The following MAGI2 variants were observed in gnomAD, a reference collection of about 807,000 sequenced individuals.
The protein encoded by MAGI2 is membrane associated guanylate kinase, WW and PDZ domain containing 2.
In MAGI2, 35 loss-of-function variants were observed where a neutral mutation model predicts 133.3. The observed-to-expected ratio is 0.26, with a 90% CI of 0.20 to 0.35. The LOEUF is 0.35. Among genes scored for constraint, MAGI2 ranks in the 10% least tolerant of loss-of-function variants. MAGI2 has a pLI of 1.00. For missense variants in MAGI2, 1,636 were observed against 1,863.4 expected (o/e 0.88, Z 2.25); for synonymous variants, 729 against 710.6 (o/e 1.03, Z -0.41).
chr7:78,897,520 T>C (rs1797302886), intron 2 of MAGI2, among the ~76,000 whole-genome samples: 1 of 152,252 alleles, frequency 6.6e-6, no homozygotes, highest in Non-Finnish European at 1.5e-5. Flanking sequence ...AATTAAATCA[T>C]ATGAACTTAT....
At chr7:78,591,013 TATTA>T (rs1363898450) in intron 3 of MAGI2, among the ~76,000 whole-genome samples, 2 of 152,198 alleles carry the variant, frequency 1.3e-5, no homozygotes, top group African/African-American at 2.4e-5. Flanking sequence ...TCTCTATATT[TATTA>T]ATTTATTCCT....
Position 78,468,964 on chromosome 7 carries a change from T to C in MAGI2, c.1045+20797A>G, listed in dbSNP as rs529035134. On this transcript the variant is annotated intron_variant, in intron 6 of 21. Transcript: ENST00000354212. ...ACCATGTTCAGATTTAAGGAAGCAA[T>C]GATTCAACAACATTCCTTGCCTAAA... Among the ~76,000 whole-genome samples the C allele has an allele frequency of 3.9e-5, 6 of 152,268 alleles. No individual in the cohort carries two copies. The East Asian group carries it at 1.2e-3, about 30-fold the overall frequency.
At position 79,453,516 on chromosome 7, in the gene MAGI2, G is replaced by A. The variant is rs1849446025; in HGVS notation, c.-196C>T. 1 of 1,392,016 alleles carries A rather than the reference G, an allele frequency of 7.2e-7. No homozygotes were observed. The highest frequency in any genetic ancestry group is 9.3e-7 in the Non-Finnish European group (1 of 1,077,886). 86.2% of individuals were successfully genotyped at this position (1,392,016 alleles called of 1,614,324 possible). A position where few individuals can be genotyped will look rare whatever the true frequency, so the allele number is the denominator to read the frequency against. On this transcript the variant is annotated 5_prime_UTR_variant, in exon 1 of 22. Transcript: ENST00000354212. ...AATGGGGAGGATGAGAGGGACGGCT[G>A]GGCAGAGGTAGGAGAGCTTGGATGA...
intron 2 of MAGI2, among the ~76,000 whole-genome samples, chr7:78,967,436 G>A (rs1025588905): frequency 1.3e-5 from 2 of 151,960 alleles, no homozygotes; most frequent in Non-Finnish European, 2.9e-5. Flanking sequence ...CCTTTGGTGT[G>A]ATTTTTAGTT....
At chr7:78,766,643 A>T (rs1825054961) in intron 2 of MAGI2, among the ~76,000 whole-genome samples, 1 of 152,226 alleles carries the variant, frequency 6.6e-6, no homozygotes, top group African/African-American at 2.4e-5. Flanking sequence ...AAAAACAACT[A>T]TTCTAACTGT....
At chr7:78,456,136 G>A (rs949788782) in intron 6 of MAGI2, among the ~76,000 whole-genome samples, 3 of 151,620 alleles carry the variant, frequency 2.0e-5, no homozygotes. Flanking sequence ...GATGCAACAA[G>A]CCAGGAGTCA....
At chr7:78,427,695 A>G (rs538018205) in intron 6 of MAGI2, among the ~76,000 whole-genome samples, 1 of 151,996 alleles carries the variant, frequency 6.6e-6, no homozygotes, top group African/African-American at 2.4e-5. Flanking sequence ...ATGAATTTGA[A>G]CAACATTAAA....
At chr7:78,297,827 TGTGGG>T (rs1337324175) in intron 9 of MAGI2, among the ~76,000 whole-genome samples, 1 of 75,580 alleles carries the variant, frequency 1.3e-5, no homozygotes, top group Non-Finnish European at 2.7e-5. Flanking sequence ...TGGGGACTGT[TGTGGG>T]GTGGGGGGAG....
chr7:78,253,019 T>TAACA (rs1245041175), intron 10 of MAGI2: 59 of 151,846 alleles, frequency 3.9e-4, no homozygotes, highest in African/African-American at 1.4e-3. Context: ...TTCTACTTCT[T>TAACA]AACAATTTAA....
chr7:78,603,187 C>A (rs2150884738), intron 3 of MAGI2, among the ~76,000 whole-genome samples: 1 of 152,198 alleles, frequency 6.6e-6, no homozygotes, highest in South Asian at 2.1e-4. Flanking sequence ...AAATCTTTCA[C>A]AAAATTTTGA....
At chr7:78,136,676 C>G (rs1456078003) in intron 16 of MAGI2, among the ~76,000 whole-genome samples, 1 of 152,194 alleles carries the variant, frequency 6.6e-6, no homozygotes, top group East Asian at 1.9e-4. Context: ...TGTGTTGTTG[C>G]TCTCCCTATG....
intron 2 of MAGI2, among the ~76,000 whole-genome samples, chr7:78,734,147 A>G (rs994652920): frequency 3.9e-5 from 6 of 152,206 alleles, no homozygotes; most frequent in African/African-American, 1.4e-4. Context: ...AAGACAACAA[A>G]TTATGTTTGA....
chr7:78,607,523 CTG>C (rs1805958340), intron 3 of MAGI2, among the ~76,000 whole-genome samples: 1 of 150,620 alleles, frequency 6.6e-6, no homozygotes, highest in African/African-American at 2.4e-5. Context: ...AAGAGAGTCT[CTG>C]TAAAATGTAC....
chr7:78,635,664 A>G (rs1809549139), intron 2 of MAGI2, among the ~76,000 whole-genome samples: 1 of 152,210 alleles, frequency 6.6e-6, no homozygotes. Context: ...GCAAGCTGGA[A>G]AAAATAGATC....
At chr7:78,431,908 C>T (rs1006272312) in intron 6 of MAGI2, among the ~76,000 whole-genome samples, 3 of 151,904 alleles carry the variant, frequency 2.0e-5, no homozygotes, top group Non-Finnish European at 4.4e-5. Context: ...AGAGTTTTGG[C>T]ATCATGTAGA....
chr7:78,544,055 G>A (rs982367903), intron 3 of MAGI2, among the ~76,000 whole-genome samples: 1 of 152,194 alleles, frequency 6.6e-6, no homozygotes, highest in Non-Finnish European at 1.5e-5. Flanking sequence ...GCTTTGGGCT[G>A]GAGGTAGTGT....
chr7:79,288,155 G>T (rs1041766695), intron 1 of MAGI2, among the ~76,000 whole-genome samples: 7 of 152,146 alleles, frequency 4.6e-5, no homozygotes, highest in African/African-American at 1.7e-4. Flanking sequence ...ATTAGAGCCA[G>T]ACTGCCTGTG....
intron 2 of MAGI2, among the ~76,000 whole-genome samples, chr7:78,746,815 C>T (rs1053319049): frequency 1.3e-5 from 2 of 152,106 alleles, no homozygotes; most frequent in Non-Finnish European, 2.9e-5. Flanking sequence ...ATGTGCTTCC[C>T]ACCCCCAATT....
chr7:79,138,553 C>G (rs1195373195), intron 1 of MAGI2, among the ~76,000 whole-genome samples: 1 of 152,178 alleles, frequency 6.6e-6, no homozygotes, highest in East Asian at 1.9e-4. Context: ...CAATGGCTTT[C>G]TATTTCAGAC....
Sources: allele counts gnomAD v4.1 joint callset (sites outside exome capture counted in the v4.1 genomes callset), GRCh38; gene constraint gnomAD v4.1.1; transcripts MANE v1.5; gene names NCBI Gene and HGNC (gene_info 2026-07-23, HGNC 2026-07-21).